Variants in JARID2 observed in about 807,000 individuals in gnomAD.
The protein encoded by JARID2 is protein Jumonji.
In JARID2, 21 loss-of-function variants were observed where a neutral mutation model predicts 125.6. The observed-to-expected ratio is 0.17, with a 90% confidence interval of 0.12 to 0.24. The LOEUF (loss-of-function observed/expected upper bound fraction) is 0.24, where lower values mean the gene tolerates loss of function less well. Among genes scored for constraint, JARID2 ranks in the 10% least tolerant of loss-of-function variants. The pLI is 1.00. For synonymous variants in JARID2, 736 were observed against 661.6 expected, an observed-to-expected ratio of 1.11 and a Z score of -1.73; for missense variants, 1,303 against 1,639.6, an observed-to-expected ratio of 0.79 and a Z score of 3.55.
At chr6:15,316,259 A>G (rs1003614719) in intron 1 of JARID2, among the ~76,000 whole-genome samples, 1 of 151,916 alleles carries the variant, frequency 6.6e-6, no homozygotes, top group Non-Finnish European at 1.5e-5. Flanking sequence ...AGCTGGGACT[A>G]CAGGCACACG....
Position 15,453,568 on chromosome 6 carries a change from G to T in JARID2, c.493+1393G>T, listed in dbSNP as rs184775684. On this transcript the variant is annotated intron_variant, in intron 4 of 17. Transcript: ENST00000341776. The stretch of plus-strand genomic sequence containing the variant: ...AAAGTTGCCCGTCTCAGCCTTTGCA[G>T]TGTATAAGTGTTAAGAGAGGATATT... Among the ~76,000 whole-genome samples, 14 of 152,336 alleles carry T rather than the reference G, an allele frequency of 9.2e-5. No individual in the cohort carries two copies. In the East Asian group the frequency reaches 2.5e-3, roughly 27 times the overall value.
intron 3 of JARID2, among the ~76,000 whole-genome samples, chr6:15,451,023 C>T (rs544039532): frequency 1.3e-5 from 2 of 152,018 alleles, no homozygotes; most frequent in South Asian, 2.1e-4. Flanking sequence ...ATTAGCTGGG[C>T]GTGGTGGTGC....
At chr6:15,507,656 A>G (rs909878498) in intron 11 of JARID2, among the ~76,000 whole-genome samples, 2 of 152,234 alleles carry the variant, frequency 1.3e-5, no homozygotes, top group African/African-American at 4.8e-5. Flanking sequence ...GGAGAAGCTT[A>G]GGGGCCAACT....
intron 5 of JARID2, among the ~76,000 whole-genome samples, chr6:15,472,115 C>G (rs1198289044): frequency 1.3e-5 from 2 of 151,748 alleles, no homozygotes; most frequent in East Asian, 3.9e-4. Flanking sequence ...TTTGATGTCT[C>G]TCGGTGAGGG....
chr6:15,398,938 A>G (rs1005074390), intron 2 of JARID2, among the ~76,000 whole-genome samples: 1 of 152,340 alleles, frequency 6.6e-6, no homozygotes, highest in Non-Finnish European at 1.5e-5. Context: ...TAGCATAATC[A>G]GAATATCTGC....
intron 17 of JARID2, among the ~76,000 whole-genome samples, chr6:15,518,193 G>A (rs1391911899): frequency 3.9e-5 from 6 of 152,236 alleles, no homozygotes; most frequent in Non-Finnish European, 7.3e-5. Context: ...GGCTGAGCAC[G>A]AGCATGGCTC....
intron 1 of JARID2, among the ~76,000 whole-genome samples, chr6:15,313,628 A>G (rs1015235829): frequency 2.0e-5 from 3 of 152,182 alleles, no homozygotes. Flanking sequence ...TGCCGTACAG[A>G]TTCAGAAATG....
chr6:15,413,067 T>C (rs1765974494), intron 3 of JARID2, among the ~76,000 whole-genome samples: 2 of 134,594 alleles, frequency 1.5e-5, no homozygotes, highest in Non-Finnish European at 3.1e-5. Context: ...TTGCCCAGGC[T>C]GCAGTGCAAT....
chr6:15,510,879 G>A (rs1298391077), intron 12 of JARID2, among the ~76,000 whole-genome samples: 1 of 152,256 alleles, frequency 6.6e-6, no homozygotes, highest in African/African-American at 2.4e-5. Context: ...GACATTATCA[G>A]GTGCTGCTCC....
chr6:15,253,083 CAG>C (rs1336468682), intron 1 of JARID2, among the ~76,000 whole-genome samples: 4 of 130,546 alleles, frequency 3.1e-5, no homozygotes, highest in African/African-American at 6.5e-5. Context: ...TTTTTTGAGA[CAG>C]AGGAGTCTCT....
At chr6:15,289,369 A>G (rs1211857385) in intron 1 of JARID2, among the ~76,000 whole-genome samples, 2 of 152,194 alleles carry the variant, frequency 1.3e-5, no homozygotes, top group Non-Finnish European at 2.9e-5. Context: ...TGTTACATAA[A>G]GCCAATTCTT....
chr6:15,301,629 G>A (rs938460788), intron 1 of JARID2, among the ~76,000 whole-genome samples: 5 of 152,156 alleles, frequency 3.3e-5, no homozygotes, highest in African/African-American at 1.2e-4. Context: ...GTCCTTAAAA[G>A]TAGTTTTTGT....
intron 6 of JARID2, among the ~76,000 whole-genome samples, chr6:15,495,222 G>A (rs1292805229): frequency 3.3e-5 from 5 of 152,052 alleles, no homozygotes; most frequent in South Asian, 2.1e-4. Flanking sequence ...TGCCATTGTC[G>A]CTCCCCATTT....
At chr6:15,468,137 T>C (rs1010615451) in intron 4 of JARID2, among the ~76,000 whole-genome samples, 3 of 151,372 alleles carry the variant, frequency 2.0e-5, no homozygotes, top group African/African-American at 7.3e-5. Flanking sequence ...TAATGAAATG[T>C]TATATTCTGT....
chr6:15,511,239 C>A, intron 12 of JARID2, 57 bp from the exon 13 acceptor site: 1 of 1,213,596 alleles, frequency 8.2e-7, no homozygotes, highest in Non-Finnish European at 1.2e-6. Flanking sequence ...TGGCCCAGTA[C>A]ATGCAGGAGG....
chr6:15,263,216 C>T (rs2127330511), intron 1 of JARID2, among the ~76,000 whole-genome samples: 1 of 152,036 alleles, frequency 6.6e-6, no homozygotes, highest in East Asian at 1.9e-4. Flanking sequence ...AAACCGTAAA[C>T]ACTGGTCACA....
chr6:15,253,225 C>T (rs1455815657), intron 1 of JARID2, among the ~76,000 whole-genome samples: 9 of 151,966 alleles, frequency 5.9e-5, no homozygotes, highest in Admixed American at 5.2e-4. Flanking sequence ...CCACCACACC[C>T]GGCTCATTTT....
intron 2 of JARID2, among the ~76,000 whole-genome samples, chr6:15,393,392 C>T (rs1385113694): frequency 6.6e-6 from 1 of 152,218 alleles, no homozygotes; most frequent in Non-Finnish European, 1.5e-5. Context: ...CTTAGCTCCA[C>T]GTAAATAATG....
At chr6:15,266,336 T>C (rs1018653475) in intron 1 of JARID2, among the ~76,000 whole-genome samples, 1 of 152,176 alleles carries the variant, frequency 6.6e-6, no homozygotes, top group African/African-American at 2.4e-5. Flanking sequence ...ACAACATAAG[T>C]AATAGTTTAG....
Sources: gnomAD v4.1 joint callset for allele counts (sites outside exome capture counted in the v4.1 genomes callset) on GRCh38, gnomAD v4.1.1 for gene constraint, MANE v1.5 for transcripts, NCBI Gene and HGNC (gene_info 2026-07-23, HGNC 2026-07-21) for gene names.